Variants in NLRP7 observed in about 807,000 individuals in gnomAD.
NLRP7 encodes NACHT, LRR and PYD domains-containing protein 7.
Under a neutral mutation model 85.5 loss-of-function variants are expected in NLRP7, and 72 were observed. The observed-to-expected ratio is 0.84, with a 90% confidence interval of 0.70 to 1.02. The LOEUF is 1.02. NLRP7 is among the 50% of genes least tolerant of loss of function. The pLI is 0.00. For synonymous variants in NLRP7, 550 were observed against 505.2 expected (o/e 1.09, Z -1.19); for missense variants, 1,243 against 1,219.5 (o/e 1.02, Z -0.29).
At chr19:54,954,164 T>C (rs1386310977) in intron 1 of NLRP7, among the ~76,000 whole-genome samples, 1 of 149,014 alleles carries the variant, frequency 6.7e-6, no homozygotes, top group African/African-American at 2.5e-5. Context: ...GAAGTTACCC[T>C]ATGCTGTCTA....
At chr19:54,963,161 C>T (rs1368117680) in intron 1 of NLRP7, among the ~76,000 whole-genome samples, 2 of 151,984 alleles carry the variant, frequency 1.3e-5, no homozygotes, top group Non-Finnish European at 2.9e-5. Context: ...TTTGGGAGGC[C>T]GTGGTGGGAA....
exon 9 of NLRP7, chr19:54,930,596 G>C (rs779014649): frequency 1.2e-6 from 2 of 1,612,028 alleles, no homozygotes; most frequent in Non-Finnish European, 8.5e-7. Flanking sequence ...AGGTTTGTGA[G>C]GCTGCAGGCT....
intron 5 of NLRP7, among the ~76,000 whole-genome samples, chr19:54,936,691 G>C (rs2068943390): frequency 6.6e-6 from 1 of 152,076 alleles, no homozygotes; most frequent in African/African-American, 2.4e-5. Flanking sequence ...GAGGCAGGCA[G>C]ATCGCCTGAG....
At chr19:54,926,050 A>C (rs1438254320) in intron 9 of NLRP7, among the ~76,000 whole-genome samples, 1 of 147,266 alleles carries the variant, frequency 6.8e-6, no homozygotes, top group Non-Finnish European at 1.5e-5. Flanking sequence ...TCTCAAAAAA[A>C]AGACTCCGTC....
chr19:54,942,476 C>A (rs1181389325), intron 1 of NLRP7, among the ~76,000 whole-genome samples: 1 of 152,074 alleles, frequency 6.6e-6, no homozygotes, highest in Non-Finnish European at 1.5e-5. Context: ...GTAATCCCAG[C>A]ACTTTGGGAG....
chr19:54,943,826 A>G (rs980677378), intron 1 of NLRP7, among the ~76,000 whole-genome samples: 2 of 151,684 alleles, frequency 1.3e-5, no homozygotes, highest in Non-Finnish European at 2.9e-5. Flanking sequence ...GTACTAAGAA[A>G]AATTCTTCTG....
At position 54,965,037 on chromosome 19, in the gene NLRP7, C is replaced by T. The variant is rs1274191676; in HGVS notation, c.-77+1003G>A. 3 of 103,198 alleles carry T rather than the reference C, an allele frequency of 2.9e-5. 1 individual carries two copies. Among genetic ancestry groups the T allele is most frequent in the Admixed American group, 9.2e-5 (1 of 10,926 alleles). 6.4% of individuals were successfully genotyped at this position (103,198 alleles called of 1,614,324 possible). ...CGGCCGCAATCACAATTATCTGGGA[C>T]TCTCGAAAGAACTCCAGGGTCTGGG... is the stretch of plus-strand genomic sequence containing the variant. On this transcript the variant is annotated intron_variant, in intron 1 of 2. Coordinates refer to the NLRP7 transcript ENST00000587103.
At chr19:54,928,675 C>A (rs1443492514) in intron 9 of NLRP7, among the ~76,000 whole-genome samples, 1 of 152,098 alleles carries the variant, frequency 6.6e-6, no homozygotes, top group African/African-American at 2.4e-5. Context: ...AGATCATGAA[C>A]CAGCATGCTA....
exon 8 of NLRP7, chr19:54,933,604 G>T (rs753734989): frequency 1.2e-6 from 2 of 1,614,062 alleles, no homozygotes. Context: ...GGTAACTCAA[G>T]CCCTCACACA....
chr19:54,924,451 T>C (rs1260320928), intron 9 of NLRP7, among the ~76,000 whole-genome samples: 13 of 149,808 alleles, frequency 8.7e-5, no homozygotes, highest in Admixed American at 8.6e-4. Context: ...GGTGAAACCC[T>C]GTCTCTACCA....
At chr19:54,955,173 A>G (rs2069811230) in intron 1 of NLRP7, among the ~76,000 whole-genome samples, 1 of 151,682 alleles carries the variant, frequency 6.6e-6, no homozygotes, top group Non-Finnish European at 1.5e-5. Flanking sequence ...ACTAAAATAC[A>G]AAAAAATTAG....
At chr19:54,947,382 G>T in intron 1 of NLRP7, 87 bp downstream of exon 1, 1 of 1,001,534 alleles carries the variant, frequency 1.0e-6, no homozygotes, top group Non-Finnish European at 1.4e-6. Flanking sequence ...ATTAAGGCTT[G>T]GGAAGGGCTA....
intron 1 of NLRP7, among the ~76,000 whole-genome samples, chr19:54,944,210 A>G (rs905954052): frequency 6.6e-6 from 1 of 151,940 alleles, no homozygotes; most frequent in Non-Finnish European, 1.5e-5. Context: ...AGAGGAAGGT[A>G]TCTGTCTCCT....
At chr19:54,935,421 C>G (rs146960252) in intron 6 of NLRP7, among the ~76,000 whole-genome samples, 5 of 151,974 alleles carry the variant, frequency 3.3e-5, no homozygotes, top group Non-Finnish European at 7.4e-5. Flanking sequence ...CCTGGCCAGG[C>G]GCAGTGGTTC....
exon 4 of NLRP7, chr19:54,939,725 A>G: frequency 1.2e-6 from 2 of 1,613,390 alleles, no homozygotes; most frequent in Non-Finnish European, 1.7e-6. Context: ...AATCCAGCAC[A>G]CCGCGGGGGC....
chr19:54,929,175 T>A (rs1258871848), intron 9 of NLRP7, among the ~76,000 whole-genome samples: 1 of 151,918 alleles, frequency 6.6e-6, no homozygotes, highest in South Asian at 2.1e-4. Context: ...TTGAGACCAG[T>A]CTGGCTAACA....
intron 9 of NLRP7, among the ~76,000 whole-genome samples, chr19:54,926,826 G>C (rs2068458506): frequency 6.6e-6 from 1 of 150,474 alleles, no homozygotes; most frequent in Non-Finnish European, 1.5e-5. Context: ...TGAGGCAGGA[G>C]AATCACTTGA....
At chr19:54,966,074 G>C (rs1192661012) in exon 1 of NLRP7, 1 of 150,760 alleles carries the variant, frequency 6.6e-6, no homozygotes, top group African/African-American at 2.4e-5. Flanking sequence ...AATCACAGCT[G>C]AGGCTTCTAA....
At chr19:54,932,088 A>G (rs2068702683) in intron 8 of NLRP7, among the ~76,000 whole-genome samples, 1 of 152,136 alleles carries the variant, frequency 6.6e-6, no homozygotes, top group Non-Finnish European at 1.5e-5. Flanking sequence ...GTTTTGGTGC[A>G]GGTACACTTC....
Sources: gnomAD v4.1 joint callset for allele counts (sites outside exome capture counted in the v4.1 genomes callset) on GRCh38, gnomAD v4.1.1 for gene constraint, MANE v1.5 for transcripts, NCBI Gene and HGNC (gene_info 2026-07-23, HGNC 2026-07-21) for gene names.